The following GALNTL6 variants were observed in gnomAD, a reference collection of about 807,000 sequenced individuals.
GALNTL6 encodes polypeptide N-acetylgalactosaminyltransferase-like 6.
A neutral mutation model predicts 73.7 loss-of-function variants in GALNTL6; 46 were observed. The observed-to-expected ratio is 0.62, with a 90% CI of 0.49 to 0.80. The LOEUF (loss-of-function observed/expected upper bound fraction) is 0.80, where lower values mean the gene tolerates loss of function less well. Ranked by LOEUF, GALNTL6 falls within the 30% of genes least tolerant of loss-of-function variation. The probability of loss-of-function intolerance (pLI) is 0.00; values close to 1 mark genes in which losing one functional copy is unlikely to be tolerated. For missense variants in GALNTL6, 604 were observed against 755.0 expected (o/e 0.80, Z 2.34); for synonymous variants, 259 against 263.7 (o/e 0.98, Z 0.17).
intron 2 of GALNTL6, among the ~76,000 whole-genome samples, chr4:171,840,514 G>A (rs545375632): frequency 1.4e-4 from 22 of 152,226 alleles, no homozygotes; most frequent in African/African-American, 2.4e-4. Context: ...TTCCTCACCC[G>A]TGATGGCCCC....
chr4:172,280,603 AAC>A lies in GALNTL6; in HGVS notation c.248-31007_248-31006del, dbSNP rs1739010525. ...TATATACTTTTAAAAGTTACCATTC[AAC>A]ACAGTTTCCTAGATTTTAAATGTAA... On this transcript the variant is annotated intron_variant, in intron 3 of 12. Transcript: ENST00000506823. 4.6e-5 allele frequency among the ~76,000 whole-genome samples: 7 copies of A among 152,090 alleles called. No homozygotes were observed. In the South Asian group the frequency reaches 1.5e-3, roughly 32 times the overall value.
At chr4:172,115,137 C>T (rs973402156) in intron 2 of GALNTL6, among the ~76,000 whole-genome samples, 1 of 152,126 alleles carries the variant, frequency 6.6e-6, no homozygotes, top group Non-Finnish European at 1.5e-5. Context: ...AGGATCAACA[C>T]AAAGTTACCA....
intron 5 of GALNTL6, among the ~76,000 whole-genome samples, chr4:172,758,840 T>C (rs1737903363): frequency 6.6e-6 from 1 of 152,170 alleles, no homozygotes; most frequent in Non-Finnish European, 1.5e-5. Flanking sequence ...GATCATAGTA[T>C]ATATAAGGCT....
At chr4:171,867,469 A>G (rs1188491952) in intron 2 of GALNTL6, among the ~76,000 whole-genome samples, 1 of 152,184 alleles carries the variant, frequency 6.6e-6, no homozygotes, top group East Asian at 1.9e-4. Context: ...TTCACTTCCA[A>G]TGTCCTTCTA....
chr4:172,047,133 G>T (rs570022180), intron 2 of GALNTL6, among the ~76,000 whole-genome samples: 1 of 152,030 alleles, frequency 6.6e-6, no homozygotes, highest in African/African-American at 2.4e-5. Flanking sequence ...TGAAACTTGC[G>T]CTCACTTCCT....
intron 3 of GALNTL6, among the ~76,000 whole-genome samples, chr4:172,267,257 G>A (rs1738480447): frequency 6.6e-6 from 1 of 152,068 alleles, no homozygotes; most frequent in Admixed American, 6.6e-5. Context: ...TGTAATGAGA[G>A]CAGGAAAGGA....
At chr4:172,598,454 C>T in intron 5 of GALNTL6, among the ~76,000 whole-genome samples, 1 of 152,072 alleles carries the variant, frequency 6.6e-6, no homozygotes, top group East Asian at 1.9e-4. Context: ...TCAGTACATG[C>T]CAGGCTCTTG....
intron 9 of GALNTL6, among the ~76,000 whole-genome samples, chr4:172,944,340 C>T (rs1329556787): frequency 6.6e-6 from 1 of 152,120 alleles, no homozygotes; most frequent in East Asian, 1.9e-4. Flanking sequence ...AAAGAAGATA[C>T]TCAGGTGGCA....
intron 4 of GALNTL6, among the ~76,000 whole-genome samples, chr4:172,336,840 G>A (rs1741345676): frequency 6.6e-6 from 1 of 152,046 alleles, no homozygotes; most frequent in African/African-American, 2.4e-5. Flanking sequence ...CTGTCAGTGA[G>A]GTGTTGCAGC....
intron 2 of GALNTL6, among the ~76,000 whole-genome samples, chr4:172,196,910 A>T (rs1350791916): frequency 6.6e-6 from 1 of 152,224 alleles, no homozygotes; most frequent in Non-Finnish European, 1.5e-5. Context: ...CACCACTCCT[A>T]TTCAACATAG....
At chr4:172,180,753 G>C (rs578229054) in intron 2 of GALNTL6, among the ~76,000 whole-genome samples, 1 of 152,090 alleles carries the variant, frequency 6.6e-6, no homozygotes, top group African/African-American at 2.4e-5. Flanking sequence ...AAGATCAGAT[G>C]GTTGTAGATG....
At chr4:172,167,142 T>C (rs1220101106) in intron 2 of GALNTL6, among the ~76,000 whole-genome samples, 1 of 152,240 alleles carries the variant, frequency 6.6e-6, no homozygotes, top group Non-Finnish European at 1.5e-5. Context: ...TAAAACCTCC[T>C]GGTACATAGT....
chr4:172,195,315 C>T lies in GALNTL6; in HGVS notation c.139-34341C>T, dbSNP rs370290507. On this transcript the variant is annotated intron_variant, in intron 2 of 12. Transcript: ENST00000506823. ...AAATTCTTAGAGACCTACAAAGAGA[C>T]TTAGACTCCCACAGGATAATAGTGG... 4.4e-3 allele frequency among the ~76,000 whole-genome samples: 673 copies of T among 152,174 alleles called. 7 individuals are homozygous for T. The highest frequency in any genetic ancestry group is 0.015 in the African/African-American group (643 of 41,520).
chr4:171,959,863 A>G (rs1479340072), intron 2 of GALNTL6, among the ~76,000 whole-genome samples: 2 of 152,242 alleles, frequency 1.3e-5, no homozygotes, highest in Non-Finnish European at 2.9e-5. Context: ...TCCACACTCA[A>G]CAATGAAAAA....
chr4:172,678,415 G>A (rs770462161), intron 5 of GALNTL6, among the ~76,000 whole-genome samples: 27 of 149,770 alleles, frequency 1.8e-4, no homozygotes, highest in African/African-American at 6.2e-4. Flanking sequence ...GCACGATCTC[G>A]GCTCACCGCA....
Position 171,828,530 on chromosome 4 carries a change from A to G in GALNTL6, c.138+13812A>G, listed in dbSNP as rs144734369. 4.0e-3 allele frequency among the ~76,000 whole-genome samples: 605 copies of G among 152,316 alleles called. 2 individuals are homozygous for G. The highest frequency in any genetic ancestry group is 0.014 in the African/African-American group (582 of 41,578). ...CTGCAGTTGCCTGCCACTTCAGACA[A>G]TTCATCTTATAAACAAACGAAACAA... On this transcript the variant is annotated intron_variant, in intron 2 of 12. Coordinates refer to ENST00000506823, the MANE Select transcript of GALNTL6 (RefSeq NM_001034845.3).
At chr4:171,819,886 C>G (rs1157811581) in intron 2 of GALNTL6, among the ~76,000 whole-genome samples, 1 of 152,090 alleles carries the variant, frequency 6.6e-6, no homozygotes, top group East Asian at 1.9e-4. Flanking sequence ...ATGTTCTTTT[C>G]TTTTGCTCAT....
chr4:171,931,264 T>C (rs949833243), intron 2 of GALNTL6, among the ~76,000 whole-genome samples: 1 of 152,148 alleles, frequency 6.6e-6, no homozygotes, highest in African/African-American at 2.4e-5. Flanking sequence ...TCACTGAAGC[T>C]TTGAACTCCT....
intron 2 of GALNTL6, among the ~76,000 whole-genome samples, chr4:172,141,146 A>G (rs948735286): frequency 1.3e-5 from 2 of 152,058 alleles, no homozygotes; most frequent in Non-Finnish European, 2.9e-5. Context: ...CAGCTGAGAC[A>G]AGGTATGGAT....
Sources: gnomAD v4.1 joint callset for allele counts (sites outside exome capture counted in the v4.1 genomes callset) on GRCh38, gnomAD v4.1.1 for gene constraint, MANE v1.5 for transcripts, NCBI Gene and HGNC (gene_info 2026-07-23, HGNC 2026-07-21) for gene names.